The following RBFOX1 variants were observed in gnomAD, a reference collection of about 807,000 sequenced individuals.
RBFOX1 encodes the protein RNA binding protein fox-1 homolog 1.
In RBFOX1, 8 loss-of-function variants were observed where a neutral mutation model predicts 57.7. The observed-to-expected ratio is 0.14, with a 90% confidence interval of 0.08 to 0.25. The LOEUF (loss-of-function observed/expected upper bound fraction) is 0.25. RBFOX1 is among the 10% of genes least tolerant of loss of function. The pLI is 1.00. For synonymous variants in RBFOX1, 326 were observed against 222.4 expected (o/e 1.47, Z -4.15); for missense variants, 611 against 548.5 (o/e 1.11, Z -1.14).
intron 3 of RBFOX1, among the ~76,000 whole-genome samples, chr16:6,806,836 ATTT>A (rs1555488600): frequency 1.7e-4 from 16 of 91,852 alleles, no homozygotes; most frequent in Admixed American, 3.1e-4. Flanking sequence ...ATATATATAT[ATTT>A]TTTTTTTTTT....
chr16:7,189,787 C>A (rs13332831), intron 4 of RBFOX1, among the ~76,000 whole-genome samples: 1,744 of 152,320 alleles, frequency 0.011, 30 homozygotes, highest in African/African-American at 0.04. Flanking sequence ...CCCTATGCAT[C>A]CAGCAAGTAA....
intron 3 of RBFOX1, among the ~76,000 whole-genome samples, chr16:5,848,745 G>C (rs754334154): frequency 1.3e-5 from 2 of 152,022 alleles, no homozygotes; most frequent in Non-Finnish European, 2.9e-5. Context: ...TCAGAAGTTC[G>C]AGACCAGCCT....
At chr16:7,411,851 C>G (rs1157840351) in intron 4 of RBFOX1, among the ~76,000 whole-genome samples, 1 of 142,266 alleles carries the variant, frequency 7.0e-6, no homozygotes, top group Non-Finnish European at 1.5e-5. Context: ...TGTGGTGAGC[C>G]AAGATCATGC....
chr16:7,709,743 T>C, intron 15 of RBFOX1: 1 of 309,084 alleles, frequency 3.2e-6, no homozygotes, highest in Non-Finnish European at 4.2e-6. Flanking sequence ...TGGGTTTTTG[T>C]TTTGGGAGGG....
chr16:5,447,352 A>C (rs1306748439), intron 1 of RBFOX1, among the ~76,000 whole-genome samples: 1 of 147,134 alleles, frequency 6.8e-6, no homozygotes, highest in Non-Finnish European at 1.5e-5. Flanking sequence ...CCTGTCTCTC[A>C]TCATTCAATG....
chr16:7,426,146 G>T (rs548940830), intron 4 of RBFOX1, among the ~76,000 whole-genome samples: 49 of 152,206 alleles, frequency 3.2e-4, no homozygotes, highest in Non-Finnish European at 6.3e-4. Flanking sequence ...GCCCACCCTT[G>T]CCTAGGCAGG....
intron 2 of RBFOX1, among the ~76,000 whole-genome samples, chr16:6,433,494 C>T (rs1199128150): frequency 6.6e-6 from 1 of 152,168 alleles, no homozygotes; most frequent in Non-Finnish European, 1.5e-5. Context: ...GATAGACTCG[C>T]TATTCTCAGA....
At chr16:6,767,347 C>T (rs1603618091) in intron 3 of RBFOX1, among the ~76,000 whole-genome samples, 2 of 152,232 alleles carry the variant, frequency 1.3e-5, no homozygotes, top group East Asian at 3.9e-4. Context: ...ATGGCCATTT[C>T]TCTGCCCCCC....
At chr16:7,170,703 C>T (rs571331612) in intron 4 of RBFOX1, among the ~76,000 whole-genome samples, 1 of 152,244 alleles carries the variant, frequency 6.6e-6, no homozygotes, top group Admixed American at 6.5e-5. Flanking sequence ...TTGGTTTCTG[C>T]TGTATCCTCA....
At chr16:5,290,946 C>T (rs748772872) in intron 1 of RBFOX1, among the ~76,000 whole-genome samples, 5 of 152,126 alleles carry the variant, frequency 3.3e-5, no homozygotes, top group African/African-American at 4.8e-5. Flanking sequence ...GTGATGCACC[C>T]GCCTCAGCTT....
chr16:6,798,630 G>A lies in RBFOX1; in HGVS notation c.-16+143980G>A, dbSNP rs115078225. Among the ~76,000 whole-genome samples the A allele has an allele frequency of 3.6e-3, 549 of 152,226 alleles. 5 individuals carry two copies. Among genetic ancestry groups the A allele is most frequent in the African/African-American group, 0.012 (503 of 41,542 alleles). On this transcript the variant is annotated intron_variant, in intron 3 of 15. Coordinates refer to ENST00000550418, the MANE Select transcript of RBFOX1 (RefSeq NM_018723.4). Reference sequence around the variant, plus strand: ...TGTGCTTTGTTGACTAGTGCCTTTCGTTTCTCTGGCCAAAGCAAATGTGCT... The same window carrying A: ...TGTGCTTTGTTGACTAGTGCCTTTCATTTCTCTGGCCAAAGCAAATGTGCT...
chr16:7,697,606 C>A (rs1004595477), intron 14 of RBFOX1, among the ~76,000 whole-genome samples: 9 of 152,066 alleles, frequency 5.9e-5, no homozygotes, highest in African/African-American at 1.9e-4. Flanking sequence ...GGTGTTATCC[C>A]CATTTTGGAA....
chr16:5,694,218 C>T lies in RBFOX1; in HGVS notation c.318+95257C>T, dbSNP rs562475116. ...GCCTAACTGGGGTATGTGTGCAAGC[C>T]TGAGGGGTTTACCAGCCTGATTTAC... On this transcript the variant is annotated intron_variant, in intron 3 of 19. Coordinates refer to the RBFOX1 transcript ENST00000641259. Among the ~76,000 whole-genome samples the T allele has an allele frequency of 5.4e-4, 82 of 152,296 alleles. 2 individuals are homozygous for T. In the Middle Eastern group the frequency reaches 0.024, roughly 44 times the overall value.
intron 2 of RBFOX1, among the ~76,000 whole-genome samples, chr16:6,336,181 ATTTTTTTTTTTTTTT>A (rs1156246510): frequency 7.0e-4 from 19 of 26,994 alleles, no homozygotes; most frequent in African/African-American, 2.4e-3. Context: ...ATATATATAT[ATTTTTTTTTTTTTTT>A]TTTTTTTTTT....
Position 7,156,498 on chromosome 16 carries a change from C to T in RBFOX1, c.27+104400C>T, listed in dbSNP as rs79245505. ...ACAGGTAGATACACATCTATGTGTG[C>T]ATATACATGTACACATGCATGTAGA... On this transcript the variant is annotated intron_variant, in intron 4 of 15. Transcript: ENST00000550418. Among the ~76,000 whole-genome samples the T allele has an allele frequency of 7.1e-3, 1,073 of 151,766 alleles. 17 individuals are homozygous for T. The highest frequency in any genetic ancestry group is 0.025 in the African/African-American group (1,028 of 41,306).
chr16:5,359,347 G>T (rs989212124), intron 1 of RBFOX1, among the ~76,000 whole-genome samples: 1 of 152,204 alleles, frequency 6.6e-6, no homozygotes, highest in African/African-American at 2.4e-5. Context: ...GGGATTGCTG[G>T]ATCATATGGT....
chr16:6,675,577 G>A (rs556445761), intron 3 of RBFOX1, among the ~76,000 whole-genome samples: 1 of 152,276 alleles, frequency 6.6e-6, no homozygotes, highest in Non-Finnish European at 1.5e-5. Context: ...TGCTGATAAA[G>A]ATGTACCTGA....
At chr16:7,129,873 A>T (rs1193488482) in intron 4 of RBFOX1, among the ~76,000 whole-genome samples, 1 of 151,884 alleles carries the variant, frequency 6.6e-6, no homozygotes, top group Non-Finnish European at 1.5e-5. Context: ...TAGATGGTGG[A>T]TGAAAAAATA....
chr16:5,687,096 G>A (rs35369190), intron 3 of RBFOX1, among the ~76,000 whole-genome samples: 39,364 of 152,062 alleles, frequency 0.26, 5,753 homozygotes, highest in East Asian at 0.65. Flanking sequence ...AGCCAAATAA[G>A]CCTCTTTTCC....
Sources: allele counts gnomAD v4.1 joint callset (sites outside exome capture counted in the v4.1 genomes callset), GRCh38; gene constraint gnomAD v4.1.1; transcripts MANE v1.5; gene names NCBI Gene and HGNC (gene_info 2026-07-23, HGNC 2026-07-21).